Variants in MTIF3 observed in about 807,000 individuals in gnomAD.
MTIF3 encodes the protein mitochondrial translational initiation factor 3.
In MTIF3, 13 loss-of-function variants were observed where a neutral mutation model predicts 20.7. The ratio of observed to expected loss-of-function variants is 0.63; its 90% CI spans 0.41 to 1.00. MTIF3 has a LOEUF of 1.00. Ranked by LOEUF, MTIF3 falls within the 50% of genes least tolerant of loss-of-function variation. The pLI is 0.00. For missense variants in MTIF3, 295 were observed against 324.5 expected (o/e 0.91, Z 0.70); for synonymous variants, 114 against 112.5 (o/e 1.01, Z -0.08).
At chr13:27,440,707 A>G (rs1466453876) in intron 2 of MTIF3, among the ~76,000 whole-genome samples, 3 of 144,794 alleles carry the variant, frequency 2.1e-5, no homozygotes, top group Non-Finnish European at 4.6e-5. Context: ...CCAGATTTAC[A>G]TAGCATTTTG....
chr13:27,441,823 C>T (rs1239518833), intron 2 of MTIF3, among the ~76,000 whole-genome samples: 1 of 152,204 alleles, frequency 6.6e-6, no homozygotes. Context: ...GTCCCAGAAT[C>T]TCCTGGGGTG....
chr13:27,448,487 G>A (rs1285904930), intron 1 of MTIF3, among the ~76,000 whole-genome samples: 3 of 152,098 alleles, frequency 2.0e-5, no homozygotes, highest in African/African-American at 7.2e-5. Context: ...ATCCCAGAGG[G>A]CCTGCGCTAC....
intron 2 of MTIF3, among the ~76,000 whole-genome samples, chr13:27,441,627 T>C (rs1253829445): frequency 6.6e-6 from 1 of 152,254 alleles, no homozygotes; most frequent in Non-Finnish European, 1.5e-5. Context: ...TAATTGCTTT[T>C]CTGTCCTTCC....
At chr13:27,436,254 G>A (rs978748370) in intron 4 of MTIF3, among the ~76,000 whole-genome samples, 1 of 152,052 alleles carries the variant, frequency 6.6e-6, no homozygotes, top group Non-Finnish European at 1.5e-5. Flanking sequence ...ACTCTCTATT[G>A]CCCCTAACAG....
intron 2 of MTIF3, among the ~76,000 whole-genome samples, chr13:27,442,562 C>T (rs1954041745): frequency 6.6e-6 from 1 of 152,234 alleles, no homozygotes; most frequent in African/African-American, 2.4e-5. Flanking sequence ...ACCATGCCCA[C>T]TGGCCTGTGC....
Position 27,440,186 on chromosome 13 carries a change from T to G in MTIF3, c.263A>C (p.His88Pro), listed in dbSNP as rs770729341. 1 of 1,614,238 alleles carries G rather than the reference T, an allele frequency of 6.2e-7. No individual in the cohort carries two copies. ...ATCATTGCCCTTCTCATCAAATAAG[T>G]GAATAACTCGCTGACTAATTTTTCT... ...VGRKISQRVI[H>P]LFDEKGNDLG... Residue 88 changes from histidine (H) to proline (P), a missense_variant, in exon 3 of 5, where the codon CAC (histidine) becomes CCC (proline). His to Pro is a moderately conservative substitution (Grantham distance 77). Transcript: ENST00000381120.
rs143357171 is a variant in MTIF3 at position 27,445,727 on chromosome 13, C to T, written c.-70-571G>A. On this transcript the variant is annotated intron_variant, in intron 1 of 4. Transcript: ENST00000381120. Reference sequence around the variant, plus strand: ...GGAAGCTACCCAAAGTGCATGGCACCTTCTATTAAGCAGCTTTGCCAAAAA... The same window carrying T: ...GGAAGCTACCCAAAGTGCATGGCACTTTCTATTAAGCAGCTTTGCCAAAAA... 1.7e-3 allele frequency among the ~76,000 whole-genome samples: 259 copies of T among 152,258 alleles called. 1 individual carries two copies. Among genetic ancestry groups the T allele is most frequent in the African/African-American group, 5.9e-3 (246 of 41,556 alleles).
chr13:27,439,832 T>C (rs963742849), intron 3 of MTIF3, among the ~76,000 whole-genome samples, 157 bp downstream of exon 3: 5 of 152,198 alleles, frequency 3.3e-5, no homozygotes, highest in African/African-American at 1.2e-4. Flanking sequence ...AAGTGCAGGA[T>C]AAAGGAGGAA....
chr13:27,438,481 CTG>C lies in MTIF3; in HGVS notation c.461-1210_461-1209del, dbSNP rs199524541. 2.3e-4 allele frequency among the ~76,000 whole-genome samples: 12 copies of C among 52,074 alleles called. No homozygotes were observed. The East Asian group carries it at 2.7e-3, about 12-fold the overall frequency. The allele number at this position is 52,074 out of a possible 152,430, so 34.2% of individuals were successfully genotyped here. A position where few individuals can be genotyped will look rare whatever the true frequency, so the allele number is the denominator to read the frequency against. ...CTCCAGCCTGGGCAACAGAGCAAGA[CTG>C]TTTTTTTTTTTTTTTTTTTTTTTTT... On this transcript the variant is annotated intron_variant, in intron 3 of 4. Transcript: ENST00000381120.
At chr13:27,436,109 A>T (rs902978464) in intron 4 of MTIF3, among the ~76,000 whole-genome samples, 7 of 152,166 alleles carry the variant, frequency 4.6e-5, no homozygotes, top group African/African-American at 1.7e-4. Context: ...CCTAATTTTA[A>T]ATCTCCACTT....
chr13:27,436,944 G>A (rs1419885838), intron 4 of MTIF3, among the ~76,000 whole-genome samples, 172 bp downstream of exon 4: 1 of 151,788 alleles, frequency 6.6e-6, no homozygotes, highest in Non-Finnish European at 1.5e-5. Flanking sequence ...GTAGAGACGG[G>A]GTTTCACCAT....
intron 1 of MTIF3, among the ~76,000 whole-genome samples, chr13:27,447,198 CAAAAA>C (rs533396868): frequency 4.8e-5 from 4 of 84,206 alleles, no homozygotes; most frequent in South Asian, 5.2e-4. Flanking sequence ...TGGGTTAGGC[CAAAAA>C]AAAAAAAAAA....
intron 3 of MTIF3, among the ~76,000 whole-genome samples, chr13:27,437,596 C>T (rs1460838355): frequency 1.3e-5 from 2 of 152,194 alleles, no homozygotes; most frequent in Non-Finnish European, 2.9e-5. Flanking sequence ...TATCTATCAG[C>T]TGTGGGTTGG....
chr13:27,444,237 C>T lies in MTIF3; in HGVS notation c.-2+851G>A, dbSNP rs547960726. Among the ~76,000 whole-genome samples, 26 of 151,740 alleles carry T rather than the reference C, an allele frequency of 1.7e-4. No individual in the cohort carries two copies. The South Asian group carries it at 5.4e-3, about 32-fold the overall frequency. Reference sequence around the variant, plus strand: ...AGGAGAATGGCGTGAACCCGGGAGGCGGAGCTAGCAGTGAGCGAGATTGCG... The same window carrying T: ...AGGAGAATGGCGTGAACCCGGGAGGTGGAGCTAGCAGTGAGCGAGATTGCG... On this transcript the variant is annotated intron_variant, in intron 2 of 4. Transcript: ENST00000381120.
chr13:27,440,069 T>C lies in MTIF3; in HGVS notation c.380A>G (p.Glu127Gly), dbSNP rs1352796052. 6 of 1,614,236 alleles carry C rather than the reference T, an allele frequency of 3.7e-6. No individual in the cohort carries two copies. The highest frequency in any genetic ancestry group is 5.1e-6 in the Non-Finnish European group (6 of 1,180,034). ...VQRNTSTEPA[E>G]YQLMTGLQIL... is the part of the protein sequence containing the mutation. ...CTGCAATCCTGTCATGAGCTGATAC[T>C]CTGCAGGTTCTGTGCTGGTGTTCCT... Residue 127 changes from glutamate (E) to glycine (G), a missense_variant, in exon 3 of 5, where the codon GAG becomes GGG. By Grantham distance (98) the Glu-to-Gly change is moderately conservative. Transcript: ENST00000381120.
At chr13:27,443,110 G>A (rs1954058318) in intron 2 of MTIF3, among the ~76,000 whole-genome samples, 1 of 152,196 alleles carries the variant, frequency 6.6e-6, no homozygotes, top group African/African-American at 2.4e-5. Flanking sequence ...CACATTTCTA[G>A]CTGGCATTTC....
Position 27,440,275 on chromosome 13 carries a change from A to C in MTIF3, c.174T>G (p.Ala58=). The C allele has an allele frequency of 6.2e-7, 1 of 1,614,058 alleles. No individual in the cohort carries two copies. Among genetic ancestry groups the C allele is most frequent in the South Asian group, 1.1e-5 (1 of 91,082 alleles). ...FLIHAKAFST[A]EDTQNEGKKT... Reference sequence around the variant, plus strand: ...TTTTTCCTTCATTCTGGGTGTCTTCAGCGGTACTAAAGGCTTTTGCATGAA... The same window carrying C: ...TTTTTCCTTCATTCTGGGTGTCTTCCGCGGTACTAAAGGCTTTTGCATGAA... Residue 58 remains alanine (A), a synonymous_variant, in exon 3 of 5, where the codon GCT becomes GCG. Coordinates refer to ENST00000381120, the MANE Select transcript of MTIF3 (RefSeq NM_152912.5).
intron 3 of MTIF3, among the ~76,000 whole-genome samples, chr13:27,439,394 G>C (rs1279122319): frequency 2.0e-5 from 3 of 152,224 alleles, no homozygotes; most frequent in Non-Finnish European, 4.4e-5. Context: ...CACTGGGGAG[G>C]CTAAGGCAGG....
chr13:27,441,215 T>G (rs532318798), intron 2 of MTIF3: 1 of 152,356 alleles, frequency 6.6e-6, no homozygotes, highest in Admixed American at 6.5e-5. Flanking sequence ...ATGCATCTTG[T>G]AGTGCCAACT....
Sources: allele counts gnomAD v4.1 joint callset (sites outside exome capture counted in the v4.1 genomes callset), GRCh38; gene constraint gnomAD v4.1.1; transcripts MANE v1.5; gene names NCBI Gene and HGNC (gene_info 2026-07-23, HGNC 2026-07-21).